Variants in MEMO1 observed in about 807,000 individuals in gnomAD.
MEMO1 encodes the protein mediator of cell motility 1, also known as protein MEMO1.
MEMO1 carries 6 observed loss-of-function variants against 45.2 expected under a neutral mutation model. The ratio of observed to expected loss-of-function variants is 0.13; its 90% CI spans 0.07 to 0.26. The LOEUF (loss-of-function observed/expected upper bound fraction) is 0.26, where lower values mean the gene tolerates loss of function less well. MEMO1 is among the 10% of genes least tolerant of loss of function. The pLI is 1.00. For synonymous variants in MEMO1, 78 were observed against 124.3 expected, an observed-to-expected ratio of 0.63 and a Z score of 2.48; for missense variants, 184 against 370.5, an observed-to-expected ratio of 0.50 and a Z score of 4.13.
At chr2:31,949,495 A>G (rs541969905) in intron 2 of MEMO1, among the ~76,000 whole-genome samples, 1 of 152,186 alleles carries the variant, frequency 6.6e-6, no homozygotes, top group Non-Finnish European at 1.5e-5. Flanking sequence ...TAAGCCAGGC[A>G]CCAGAAAGAC....
At chr2:31,899,907 T>C (rs1215009544) in intron 6 of MEMO1, among the ~76,000 whole-genome samples, 3 of 152,196 alleles carry the variant, frequency 2.0e-5, no homozygotes, top group Admixed American at 6.5e-5. Flanking sequence ...GACATTTATG[T>C]AGCCAACAAA....
chr2:31,927,641 A>AC (rs1683308096), intron 4 of MEMO1, among the ~76,000 whole-genome samples: 2 of 147,406 alleles, frequency 1.4e-5, no homozygotes, highest in South Asian at 4.2e-4. Context: ...ATATTTTGTA[A>AC]AAAAAAAAAA....
chr2:31,957,851 T>C (rs906234634), intron 2 of MEMO1, among the ~76,000 whole-genome samples: 4 of 152,242 alleles, frequency 2.6e-5, no homozygotes, highest in Admixed American at 6.5e-5. Context: ...TAATTAACTA[T>C]AATGGGATAC....
chr2:32,005,951 C>T lies in MEMO1; in HGVS notation c.61+4236G>A, dbSNP rs117824065. 3.5e-4 allele frequency among the ~76,000 whole-genome samples: 54 copies of T among 152,156 alleles called. 3 individuals carry two copies. In the East Asian group the frequency reaches 9.6e-3, roughly 27 times the overall value. ...TTGGAGGTGTTAACACTTGAGTCTT[C>T]AAAAGAGGAGTAGGAATTATCCCAA... On this transcript the variant is annotated intron_variant, in intron 2 of 9. Transcript: ENST00000404530.
intron 4 of MEMO1, among the ~76,000 whole-genome samples, chr2:31,926,499 G>T (rs1683133915): frequency 6.6e-6 from 1 of 151,976 alleles, no homozygotes; most frequent in Non-Finnish European, 1.5e-5. Context: ...CTGTAAGCTT[G>T]ATAGCCTCCA....
intron 2 of MEMO1, among the ~76,000 whole-genome samples, chr2:31,956,739 C>A (rs373041837): frequency 6.6e-6 from 1 of 152,166 alleles, no homozygotes; most frequent in African/African-American, 2.4e-5. Context: ...GGGAAGAACA[C>A]GCATTATACA....
At chr2:31,889,644 C>A (rs1033874859) in intron 7 of MEMO1, among the ~76,000 whole-genome samples, 3 of 151,964 alleles carry the variant, frequency 2.0e-5, no homozygotes, top group Admixed American at 2.0e-4. Context: ...TCTCACTTTA[C>A]AAGAATTACT....
intron 3 of MEMO1, among the ~76,000 whole-genome samples, chr2:31,937,046 T>C (rs976261187): frequency 3.9e-5 from 6 of 152,308 alleles, no homozygotes; most frequent in Admixed American, 1.3e-4. Flanking sequence ...TGGGATCAAT[T>C]TGATTGACAA....
At chr2:31,919,100 G>T (rs1681896742) in intron 5 of MEMO1, among the ~76,000 whole-genome samples, 2 of 151,432 alleles carry the variant, frequency 1.3e-5, no homozygotes, top group South Asian at 4.2e-4. Context: ...TCTTGCAAAT[G>T]GACTCTTTTA....
At chr2:31,966,863 T>C (rs1321044291) in intron 2 of MEMO1, among the ~76,000 whole-genome samples, 2 of 152,158 alleles carry the variant, frequency 1.3e-5, no homozygotes, top group Admixed American at 6.6e-5. Context: ...ATGCTTTCAG[T>C]GATTATTCTG....
chr2:31,980,613 AGAT>A (rs1475816874), intron 2 of MEMO1, among the ~76,000 whole-genome samples: 9 of 152,136 alleles, frequency 5.9e-5, no homozygotes, highest in African/African-American at 2.2e-4. Flanking sequence ...ATCCTATATA[AGAT>A]GATATAGGAT....
At chr2:31,896,058 T>C (rs1334222169) in intron 6 of MEMO1, among the ~76,000 whole-genome samples, 1 of 151,748 alleles carries the variant, frequency 6.6e-6, no homozygotes, top group Admixed American at 6.6e-5. Context: ...TTAGCCAGGA[T>C]GGTCTCGATC....
intron 4 of MEMO1, among the ~76,000 whole-genome samples, chr2:31,931,545 AG>A (rs1335034530): frequency 6.7e-6 from 1 of 150,212 alleles, no homozygotes. Flanking sequence ...TCAAGTTCCC[AG>A]GAAGTTTTTT....
At chr2:31,898,963 T>C (rs1678325289) in intron 6 of MEMO1, among the ~76,000 whole-genome samples, 1 of 152,328 alleles carries the variant, frequency 6.6e-6, no homozygotes, top group East Asian at 1.9e-4. Context: ...TACCATTATG[T>C]AATGGCCTTC....
chr2:31,991,076 T>C (rs536171678), intron 2 of MEMO1, among the ~76,000 whole-genome samples: 1 of 152,164 alleles, frequency 6.6e-6, no homozygotes, highest in African/African-American at 2.4e-5. Context: ...AAAGGCCAAA[T>C]ATAAAATAAC....
intron 8 of MEMO1, among the ~76,000 whole-genome samples, chr2:31,881,661 T>A (rs564851671): frequency 6.6e-6 from 1 of 152,108 alleles, no homozygotes. Context: ...TTCTTATGCT[T>A]TTTTTATAGC....
At chr2:31,978,469 T>C (rs1280088770) in intron 2 of MEMO1, among the ~76,000 whole-genome samples, 1 of 152,218 alleles carries the variant, frequency 6.6e-6, no homozygotes, top group Non-Finnish European at 1.5e-5. Flanking sequence ...CTATAATTAT[T>C]AAAGAGAATC....
intron 2 of MEMO1, among the ~76,000 whole-genome samples, chr2:31,980,799 T>G (rs977109209): frequency 6.6e-6 from 1 of 152,180 alleles, no homozygotes; most frequent in Non-Finnish European, 1.5e-5. Context: ...TAGTCACTTC[T>G]GCATTACTTG....
At chr2:31,901,584 T>A (rs1253631526) in intron 6 of MEMO1, among the ~76,000 whole-genome samples, 1 of 151,938 alleles carries the variant, frequency 6.6e-6, no homozygotes, top group Non-Finnish European at 1.5e-5. Flanking sequence ...TGACCTCAAA[T>A]GAACACCAGG....
Sources: allele counts gnomAD v4.1 joint callset (sites outside exome capture counted in the v4.1 genomes callset), GRCh38; gene constraint gnomAD v4.1.1; transcripts MANE v1.5; gene names NCBI Gene and HGNC (gene_info 2026-07-23, HGNC 2026-07-21).